The following ERI3 variants were observed in gnomAD, a reference collection of about 807,000 sequenced individuals.
The protein encoded by ERI3 is ERI1 exoribonuclease family member 3, also known as ERI1 exoribonuclease 3.
In ERI3, 18 loss-of-function variants were observed where a neutral mutation model predicts 44.4. That is an observed-to-expected ratio of 0.41 (90% CI 0.28 to 0.60). The LOEUF is 0.60. ERI3 is among the 20% of genes least tolerant of loss of function. The pLI is 0.36. For synonymous variants in ERI3, 183 were observed against 164.8 expected, an observed-to-expected ratio of 1.11 and a Z score of -0.84; for missense variants, 294 against 435.5, an observed-to-expected ratio of 0.68 and a Z score of 2.89.
At chr1:44,292,040 G>C (rs1218270496) in intron 6 of ERI3, among the ~76,000 whole-genome samples, 2 of 152,162 alleles carry the variant, frequency 1.3e-5, no homozygotes, top group African/African-American at 2.4e-5. Flanking sequence ...GCCAACCAAG[G>C]GTAACATGCT....
At chr1:44,298,898 G>C (rs1645666005) in intron 6 of ERI3, among the ~76,000 whole-genome samples, 11 of 152,160 alleles carry the variant, frequency 7.2e-5, no homozygotes, top group Admixed American at 6.5e-4. Flanking sequence ...TAGCCTGGGT[G>C]AAAGAAGTCA....
chr1:44,308,539 T>C (rs887685205), intron 5 of ERI3, 138 bp from the exon 6 acceptor site: 36 of 738,440 alleles, frequency 4.9e-5, no homozygotes, highest in Non-Finnish European at 7.4e-5. Flanking sequence ...ATGGCTCCAC[T>C]GTGGGCTCTC....
intron 7 of ERI3, among the ~76,000 whole-genome samples, chr1:44,259,747 GC>G: frequency 7.1e-6 from 1 of 141,046 alleles, no homozygotes; most frequent in East Asian, 2.1e-4. Flanking sequence ...ATGGTGACGT[GC>G]ACCTGTGATC....
rs1413449400 is a variant in ERI3 at position 44,241,740 on chromosome 1, G to A, written c.931+6199C>T. On this transcript the variant is annotated intron_variant, in intron 8 of 8. Transcript: ENST00000372257. The surrounding 1 kb of genome is among the most constrained non-coding windows in gnomAD (Gnocchi z 5.6). ...GAGAGAGACAAGGGGAGGCGAGGCC[G>A]GGGCCTGGGGCTAGGAAGGTGGGGA... 3.3e-5 allele frequency among the ~76,000 whole-genome samples: 5 copies of A among 152,116 alleles called. No individual in the cohort carries two copies. The South Asian group carries it at 6.2e-4, about 19-fold the overall frequency.
intron 7 of ERI3, among the ~76,000 whole-genome samples, chr1:44,270,675 A>T (rs1328630750): frequency 6.6e-6 from 1 of 152,174 alleles, no homozygotes; most frequent in Non-Finnish European, 1.5e-5. Context: ...TCTAAGCAGC[A>T]GCCAGCAAGA....
intron 7 of ERI3, among the ~76,000 whole-genome samples, chr1:44,258,070 G>C (rs1377097136): frequency 2.6e-5 from 4 of 152,160 alleles, no homozygotes; most frequent in Admixed American, 1.3e-4. Flanking sequence ...ATCCCCTCAG[G>C]GGTGTCAGAA....
rs772021187 is a variant in ERI3, at chr1:44,313,180, G to C, written c.655C>G (p.Gln219Glu). The C allele has an allele frequency of 1.9e-6, 3 of 1,614,154 alleles. No homozygotes were observed. The highest frequency in any genetic ancestry group is 1.7e-6 in the Non-Finnish European group (2 of 1,180,012). The part of the protein sequence containing the change: ...AMVDGQPSLQ[Q>E]VLERVDEWMA... ...GTCACTCAACCTACCTCCAGCACTT[G>C]CTGCAGGCTTGGCTGACCATCCACC... is the stretch of plus-strand genomic sequence containing the variant. Residue 219 changes from glutamine (Q) to glutamate (E), a missense_variant, in exon 5 of 9, where the codon CAA becomes GAA. Physicochemically the swap from Gln to Glu is conservative, Grantham distance 29. Coordinates refer to ENST00000372257, the MANE Select transcript of ERI3 (RefSeq NM_024066.3).
chr1:44,267,808 T>C (rs1358831524), intron 7 of ERI3, among the ~76,000 whole-genome samples: 1 of 152,220 alleles, frequency 6.6e-6, no homozygotes, highest in Admixed American at 6.5e-5. Context: ...CAAGCCTACC[T>C]GCCCACACCC....
rs1042837912 is a variant in ERI3 at position 44,344,344 on chromosome 1, G to A, written c.212-5022C>T. ...TAAAATTAAAAATATCACACAGACA[G>A]TATTTGAAGAGACAGATCTCCCTGT... On this transcript the variant is annotated intron_variant, in intron 2 of 8. Transcript: ENST00000372257. Among the ~76,000 whole-genome samples the A allele has an allele frequency of 7.9e-5, 12 of 152,290 alleles. No homozygotes were observed. The East Asian group carries it at 2.3e-3, about 29-fold the overall frequency.
chr1:44,244,971 AC>A (rs1174737343), intron 8 of ERI3, among the ~76,000 whole-genome samples: 1 of 151,094 alleles, frequency 6.6e-6, no homozygotes, highest in Non-Finnish European at 1.5e-5. Context: ...ATGCTGCCTT[AC>A]CCCCCCAGCC....
chr1:44,318,566 A>G lies in ERI3; in HGVS notation c.606+1062T>C, dbSNP rs939249822. On this transcript the variant is annotated intron_variant, in intron 4 of 8. Coordinates refer to ENST00000372257, the MANE Select transcript of ERI3 (RefSeq NM_024066.3). ...CCTTGGCAGATGGATGCCTGCAACA[A>G]AAGCCCCACCTGGGTCAGCTGGCAA... Among the ~76,000 whole-genome samples, 4 of 152,326 alleles carry G rather than the reference A, an allele frequency of 2.6e-5. No individual in the cohort carries two copies. In the South Asian group the frequency reaches 8.3e-4, roughly 32 times the overall value.
intron 7 of ERI3, among the ~76,000 whole-genome samples, chr1:44,256,417 C>T (rs753804689): frequency 8.5e-5 from 13 of 152,294 alleles, no homozygotes; most frequent in Middle Eastern, 6.8e-3. Context: ...AGGCTTGACC[C>T]GCACAGCTAA....
At chr1:44,305,345 G>A (rs1218215135) in intron 6 of ERI3, among the ~76,000 whole-genome samples, 3 of 152,192 alleles carry the variant, frequency 2.0e-5, no homozygotes, top group Non-Finnish European at 2.9e-5. Flanking sequence ...CTTTGAAAGT[G>A]GCACTTTCTA....
intron 7 of ERI3, among the ~76,000 whole-genome samples, chr1:44,277,612 G>C (rs1341613921): frequency 6.6e-6 from 1 of 152,170 alleles, no homozygotes; most frequent in Non-Finnish European, 1.5e-5. Context: ...TCAAATTTTA[G>C]TCTTCATCTT....
intron 3 of ERI3, among the ~76,000 whole-genome samples, chr1:44,337,874 G>A (rs992304975): frequency 7.9e-5 from 12 of 152,042 alleles, no homozygotes; most frequent in African/African-American, 2.7e-4. Flanking sequence ...TCCTCCTTAC[G>A]ATTGAAAGCT....
intron 6 of ERI3, among the ~76,000 whole-genome samples, chr1:44,286,591 G>GC (rs137865126): frequency 0.033 from 5,100 of 152,274 alleles, 109 homozygotes; most frequent in Middle Eastern, 0.051. Context: ...CTAATGCCTT[G>GC]CAAGTTTTAT....
rs548872640 is a variant in ERI3 at position 44,268,024 on chromosome 1, G to A, written c.831+16811C>T. Among the ~76,000 whole-genome samples, 9 of 152,354 alleles carry A rather than the reference G, an allele frequency of 5.9e-5. No homozygotes were observed. The East Asian group carries it at 1.2e-3, about 20-fold the overall frequency. The stretch of plus-strand genomic sequence containing the variant: ...GCAGGAGGCACAGGAACATACAGAC[G>A]TGTTTACATGGATCCTCTGTCTCTT... On this transcript the variant is annotated intron_variant, in intron 7 of 8. Transcript: ENST00000372257.
intron 8 of ERI3, chr1:44,243,299 C>T (rs546770551): frequency 6.6e-6 from 1 of 152,400 alleles, no homozygotes; most frequent in South Asian, 2.1e-4. Context: ...GGCAGGACCA[C>T]CCAGCCGGGC....
intron 3 of ERI3, among the ~76,000 whole-genome samples, chr1:44,333,609 G>A (rs557374920): frequency 2.6e-4 from 40 of 152,362 alleles, no homozygotes; most frequent in African/African-American, 7.7e-4. Flanking sequence ...GAGGCAGCAC[G>A]TGGGGTTAAG....
Sources: gnomAD v4.1 joint callset for allele counts (sites outside exome capture counted in the v4.1 genomes callset) on GRCh38, gnomAD v4.1.1 for gene constraint, Gnocchi (gnomAD v3.1) non-coding constraint, MANE v1.5 for transcripts, NCBI Gene and HGNC (gene_info 2026-07-23, HGNC 2026-07-21) for gene names.